GIPC2: variants seen among roughly 807,000 people sequenced by gnomAD.
The protein encoded by GIPC2 is PDZ domain-containing protein GIPC2.
Under a neutral mutation model 30.6 loss-of-function variants are expected in GIPC2, and 30 were observed. The observed-to-expected ratio is 0.98, with a 90% CI of 0.73 to 1.33. The LOEUF is 1.33. Among genes scored for constraint, GIPC2 ranks in the 40% most tolerant of loss-of-function variants. The probability of loss-of-function intolerance (pLI) is 0.00; values close to 1 mark genes in which losing one functional copy is unlikely to be tolerated. For missense variants in GIPC2, 414 were observed against 390.3 expected (o/e 1.06, Z -0.51); for synonymous variants, 167 against 150.0 (o/e 1.11, Z -0.83).
At chr1:78,120,194 C>T (rs1329489454) in intron 4 of GIPC2, among the ~76,000 whole-genome samples, 1 of 152,250 alleles carries the variant, frequency 6.6e-6, no homozygotes, top group Admixed American at 6.5e-5. Context: ...CTAAAGTCCT[C>T]AGAATGACCA....
At chr1:78,048,075 G>A (rs1661128539) in intron 1 of GIPC2, among the ~76,000 whole-genome samples, 1 of 152,258 alleles carries the variant, frequency 6.6e-6, no homozygotes, top group Admixed American at 6.5e-5. Flanking sequence ...TAACTTCCTG[G>A]ACTTAAGATT....
intron 1 of GIPC2, among the ~76,000 whole-genome samples, chr1:78,051,584 C>T (rs1661198486): frequency 6.6e-6 from 1 of 151,966 alleles, no homozygotes; most frequent in Non-Finnish European, 1.5e-5. Flanking sequence ...ACTGCAACCT[C>T]TGCCTCCCGG....
chr1:78,073,269 A>G (rs1316873797), intron 1 of GIPC2, among the ~76,000 whole-genome samples: 1 of 149,676 alleles, frequency 6.7e-6, no homozygotes, highest in Non-Finnish European at 1.5e-5. Context: ...ACACCTGCCT[A>G]ATTTTTAAAT....
chr1:78,124,343 T>G (rs7542998), intron 4 of GIPC2, among the ~76,000 whole-genome samples: 15,828 of 152,268 alleles, frequency 0.1, 1,016 homozygotes, highest in Admixed American at 0.17. Flanking sequence ...CTCATTCTTA[T>G]AAAATTTCCT....
intron 1 of GIPC2, among the ~76,000 whole-genome samples, chr1:78,070,993 AG>A (rs1571486121): frequency 1.3e-5 from 2 of 152,172 alleles, no homozygotes; most frequent in East Asian, 3.9e-4. Flanking sequence ...ATACTCATGA[AG>A]GTCTAAATAG....
intron 1 of GIPC2, among the ~76,000 whole-genome samples, chr1:78,076,105 G>C (rs537237937): frequency 6.6e-6 from 1 of 152,174 alleles, no homozygotes; most frequent in African/African-American, 2.4e-5. Context: ...CCCCCAATAA[G>C]TTCATTCTTG....
chr1:78,075,912 A>G (rs997699125), intron 1 of GIPC2, among the ~76,000 whole-genome samples: 3 of 151,648 alleles, frequency 2.0e-5, no homozygotes, highest in Non-Finnish European at 2.9e-5. Flanking sequence ...GACTGTCTCG[A>G]AGTAAGACTG....
At chr1:78,114,798 T>G (rs1662538239) in intron 3 of GIPC2, among the ~76,000 whole-genome samples, 1 of 152,108 alleles carries the variant, frequency 6.6e-6, no homozygotes, top group South Asian at 2.1e-4. Flanking sequence ...CTATGGACAT[T>G]GGGTGATTAT....
intron 1 of GIPC2, among the ~76,000 whole-genome samples, chr1:78,046,736 C>T (rs1024658609): frequency 8.5e-5 from 13 of 152,164 alleles, no homozygotes; most frequent in Non-Finnish European, 1.6e-4. Context: ...CTCCTGTTTC[C>T]TCCGCAGGCG....
At chr1:78,064,761 T>TTTC (rs1661470388) in intron 1 of GIPC2, among the ~76,000 whole-genome samples, 1 of 121,958 alleles carries the variant, frequency 8.2e-6, no homozygotes, top group African/African-American at 2.9e-5. Flanking sequence ...TTTTTTTTTT[T>TTTC]GAGATGGAGT....
intron 2 of GIPC2, among the ~76,000 whole-genome samples, chr1:78,087,808 A>G (rs902891329): frequency 6.6e-5 from 10 of 152,214 alleles, no homozygotes. Context: ...AGAAACTATC[A>G]ACAGAGTAAA....
chr1:78,051,257 TAAC>T (rs752571669), intron 1 of GIPC2, among the ~76,000 whole-genome samples: 5 of 152,058 alleles, frequency 3.3e-5, no homozygotes, highest in Non-Finnish European at 5.9e-5. Flanking sequence ...GAAATATTAT[TAAC>T]AAAAAAAAGA....
chr1:78,065,280 G>A (rs1264653484), intron 1 of GIPC2, among the ~76,000 whole-genome samples: 1 of 151,944 alleles, frequency 6.6e-6, no homozygotes, highest in African/African-American at 2.4e-5. Context: ...TGGTCAAGCT[G>A]AGAACCAAAT....
chr1:78,104,265 A>G (rs943262736), intron 3 of GIPC2, among the ~76,000 whole-genome samples: 13 of 152,120 alleles, frequency 8.5e-5, no homozygotes, highest in African/African-American at 2.2e-4. Flanking sequence ...TTTAAAAGCC[A>G]CTACAGAAAT....
Position 78,138,341 on chromosome 1 carries a change from TATTGTGACTGAAA to T in GIPC2, c.*2602_*2614del, listed in dbSNP as rs1663043571. 1 of 152,248 alleles carries T rather than the reference TATTGTGACTGAAA, an allele frequency of 6.6e-6. No individual in the cohort carries two copies. The highest frequency in any genetic ancestry group is 6.5e-5 in the Admixed American group (1 of 15,292). 9.4% of individuals were successfully genotyped at this position (152,248 alleles called of 1,614,324 possible). Reference sequence around the variant, plus strand: ...CTCTATTTGGAGCTGCTACATCCAATATTGTGACTGAAAATTAACTAAAGAGAGATAATTTTTC... The same window carrying T: ...CTCTATTTGGAGCTGCTACATCCAATATTAACTAAAGAGAGATAATTTTTC... On this transcript the variant is annotated 3_prime_UTR_variant, in exon 6 of 6. Transcript: ENST00000370759.
intron 2 of GIPC2, chr1:78,092,120 C>A: frequency 1.0e-6 from 1 of 982,460 alleles, no homozygotes; most frequent in Non-Finnish European, 1.6e-6. Context: ...GGAAAAGTAG[C>A]AGGGTGTTCA....
At chr1:78,091,820 G>T in intron 2 of GIPC2, 1 of 777,248 alleles carries the variant, frequency 1.3e-6, no homozygotes, top group Non-Finnish European at 2.4e-6. Flanking sequence ...TTCTGAAGCT[G>T]ATAATAGAAG....
At chr1:78,101,488 T>G (rs1662249116) in intron 3 of GIPC2, among the ~76,000 whole-genome samples, 4 of 152,204 alleles carry the variant, frequency 2.6e-5, no homozygotes, top group Admixed American at 2.6e-4. Context: ...TATTTCAGTT[T>G]TATTATCTTT....
chr1:78,083,615 G>C (rs923276265), intron 2 of GIPC2, among the ~76,000 whole-genome samples: 3 of 152,086 alleles, frequency 2.0e-5, no homozygotes, highest in Non-Finnish European at 2.9e-5. Context: ...AAAAAATGAT[G>C]ATTTTTCTAA....
Sources: allele counts gnomAD v4.1 joint callset (sites outside exome capture counted in the v4.1 genomes callset), GRCh38; gene constraint gnomAD v4.1.1; transcripts MANE v1.5; gene names NCBI Gene and HGNC (gene_info 2026-07-23, HGNC 2026-07-21).